PARL: variants seen among roughly 807,000 people sequenced by gnomAD.
PARL encodes presenilin-associated rhomboid-like protein, mitochondrial.
PARL carries 44 observed loss-of-function variants against 51.6 expected under a neutral mutation model. The ratio of observed to expected loss-of-function variants is 0.85; its 90% CI spans 0.67 to 1.10. The LOEUF is 1.10. Among genes scored for constraint, PARL ranks in the 50% least tolerant of loss-of-function variants. The probability of loss-of-function intolerance (pLI) is 0.00; values close to 1 mark genes in which losing one functional copy is unlikely to be tolerated. For synonymous variants in PARL, 172 were observed against 164.0 expected, an observed-to-expected ratio of 1.05 and a Z score of -0.37; for missense variants, 441 against 469.5, an observed-to-expected ratio of 0.94 and a Z score of 0.56.
chr3:183,851,925 C>T (rs1027122400), intron 4 of PARL, among the ~76,000 whole-genome samples: 3 of 152,112 alleles, frequency 2.0e-5, no homozygotes, highest in South Asian at 2.1e-4. Context: ...TTTGGGAGGC[C>T]GGGGCAAGAG....
At chr3:183,831,844 A>T (rs1346704031) in intron 9 of PARL, among the ~76,000 whole-genome samples, 1 of 152,248 alleles carries the variant, frequency 6.6e-6, no homozygotes, top group Non-Finnish European at 1.5e-5. Flanking sequence ...AATGAAAAGG[A>T]GTTTAAATTA....
At chr3:183,868,734 T>C (rs745529884) in intron 1 of PARL, among the ~76,000 whole-genome samples, 1 of 152,226 alleles carries the variant, frequency 6.6e-6, no homozygotes, top group Non-Finnish European at 1.5e-5. Flanking sequence ...TCAGAATGAC[T>C]TCTGGTTTTT....
At chr3:183,862,536 T>C in intron 4 of PARL, 2 of 552,452 alleles carry the variant, frequency 3.6e-6, no homozygotes, top group Non-Finnish European at 3.3e-6. Flanking sequence ...TCAATCAGTA[T>C]CATACTAAAT....
rs866717856 is a variant in PARL at position 183,833,505 on chromosome 3, C to A, written c.1015G>T (p.Ala339Ser). The change falls in exon 9 of 10, where the codon GCT becomes TCT. Residue 339 changes from alanine to serine, a missense_variant. Transcript: ENST00000317096. ...ACTCAAACTTACATTCCAAAAAGAG[C>A]TCCCCCAAGATGTGCCGCATGATCA... is the stretch of plus-strand genomic sequence containing the variant. ...FFDHAAHLGG[A>S]LFGIWYVTYG... is the part of the protein sequence containing the mutation. 1.2e-6 allele frequency: 2 copies of A among 1,607,766 alleles called. No individual in the cohort carries two copies. The highest frequency in any genetic ancestry group is 1.7e-6 in the Non-Finnish European group (2 of 1,174,244).
chr3:183,860,353 T>C (rs768968404), intron 4 of PARL, among the ~76,000 whole-genome samples: 2 of 152,232 alleles, frequency 1.3e-5, no homozygotes, highest in Non-Finnish European at 2.9e-5. Context: ...ATTACTAGAA[T>C]AATTATTTCC....
chr3:183,860,157 G>C (rs1731640984), intron 4 of PARL, among the ~76,000 whole-genome samples: 1 of 151,772 alleles, frequency 6.6e-6, no homozygotes, highest in African/African-American at 2.4e-5. Flanking sequence ...ATTAAAACCA[G>C]AAGCTGAGCC....
At chr3:183,836,402 G>A (rs779390684) in intron 7 of PARL, among the ~76,000 whole-genome samples, 2 of 151,868 alleles carry the variant, frequency 1.3e-5, no homozygotes, top group African/African-American at 2.4e-5. Flanking sequence ...CATCCTTCTA[G>A]AATTTTCTCG....
chr3:183,846,538 A>C (rs1382775148), intron 4 of PARL: 2 of 985,170 alleles, frequency 2.0e-6, no homozygotes, highest in African/African-American at 3.5e-5. Context: ...CATTGAGGTT[A>C]ACAGTAGACA....
intron 4 of PARL, among the ~76,000 whole-genome samples, chr3:183,855,429 A>G (rs532019073): frequency 6.6e-6 from 1 of 152,276 alleles, no homozygotes; most frequent in South Asian, 2.1e-4. Context: ...AGTGTGGGCC[A>G]CCACACTCAG....
chr3:183,841,207 C>T (rs1037940154), intron 6 of PARL, among the ~76,000 whole-genome samples: 4 of 152,190 alleles, frequency 2.6e-5, no homozygotes, highest in African/African-American at 9.7e-5. Context: ...CCATTTGAGT[C>T]AACGTGGCTC....
chr3:183,858,966 A>G (rs565928220), intron 4 of PARL, among the ~76,000 whole-genome samples: 3 of 152,272 alleles, frequency 2.0e-5, no homozygotes, highest in South Asian at 4.1e-4. Flanking sequence ...TTCCTAGCAT[A>G]GCTTTAAAAA....
At chr3:183,871,196 C>T (rs1341457004) in intron 1 of PARL, among the ~76,000 whole-genome samples, 2 of 151,992 alleles carry the variant, frequency 1.3e-5, no homozygotes, top group East Asian at 1.9e-4. Context: ...TGGTACTATA[C>T]TCAAAGTAAG....
At chr3:183,845,364 T>C (rs1729828737) in intron 4 of PARL, among the ~76,000 whole-genome samples, 1 of 152,220 alleles carries the variant, frequency 6.6e-6, no homozygotes, top group African/African-American at 2.4e-5. Flanking sequence ...GAAAGGAAGC[T>C]ACATTTTTCA....
Position 183,873,590 on chromosome 3 carries a change from G to A in PARL, c.126-5530C>T, listed in dbSNP as rs77140760. The stretch of plus-strand genomic sequence containing the variant: ...ATTAATTAATTAAAGATGGCAAGTT[G>A]TAACCCAGTAATCTTGGTTCCTAGC... On this transcript the variant is annotated intron_variant, in intron 1 of 9. Transcript: ENST00000317096. Among the ~76,000 whole-genome samples, 1,359 of 151,980 alleles carry A rather than the reference G, an allele frequency of 8.9e-3. 10 individuals carry two copies. Among genetic ancestry groups the A allele is most frequent in the Middle Eastern group, 0.048 (14 of 290 alleles).
rs1422995448 is a variant in PARL at position 183,863,136 on chromosome 3, TCA to T, written c.463-337_463-336del. On this transcript the variant is annotated intron_variant, in intron 3 of 9. Coordinates refer to ENST00000317096, the MANE Select transcript of PARL (RefSeq NM_018622.7). ...CAATAATGTAAAGCCCCTAGCACACTCACAGATACAGACAGGTACCAAGGAAG... is the reference window on the plus strand; with the variant it reads ...CAATAATGTAAAGCCCCTAGCACACTCAGATACAGACAGGTACCAAGGAAG... 3.3e-5 allele frequency among the ~76,000 whole-genome samples: 5 copies of T among 152,182 alleles called. No homozygotes were observed. The East Asian group carries it at 9.6e-4, about 29-fold the overall frequency.
chr3:183,872,786 G>C (rs1733363092), intron 1 of PARL, among the ~76,000 whole-genome samples: 1 of 152,092 alleles, frequency 6.6e-6, no homozygotes, highest in African/African-American at 2.4e-5. Flanking sequence ...GATAAAAATG[G>C]ACACGTCACT....
chr3:183,829,478 G>C lies in PARL; in HGVS notation c.*120C>G. 1 of 1,609,364 alleles carries C rather than the reference G, an allele frequency of 6.2e-7. No homozygotes were observed. Among genetic ancestry groups the C allele is most frequent in the East Asian group, 2.2e-5 (1 of 44,840 alleles). On this transcript the variant is annotated 3_prime_UTR_variant, in exon 10 of 10. Coordinates refer to ENST00000317096, the MANE Select transcript of PARL (RefSeq NM_018622.7). ...GGACTGGGGGACACAGCTGAAAACA[G>C]TGGGAGGCCAGATGCTGGCATCTTC...
At chr3:183,860,872 G>A (rs1731744880) in intron 4 of PARL, among the ~76,000 whole-genome samples, 1 of 145,256 alleles carries the variant, frequency 6.9e-6, no homozygotes, top group Non-Finnish European at 1.5e-5. Context: ...CTGGAGTGCA[G>A]TGGCGCAATC....
chr3:183,830,595 A>G (rs1169699103), intron 9 of PARL, among the ~76,000 whole-genome samples: 1 of 152,168 alleles, frequency 6.6e-6, no homozygotes, highest in Admixed American at 6.5e-5. Context: ...GGCTTCCCCA[A>G]ACAGATTTCA....
Sources: allele counts gnomAD v4.1 joint callset (sites outside exome capture counted in the v4.1 genomes callset), GRCh38; gene constraint gnomAD v4.1.1; transcripts MANE v1.5; gene names NCBI Gene and HGNC (gene_info 2026-07-23, HGNC 2026-07-21).